The following CRB1 variants were observed in gnomAD, a reference collection of about 807,000 sequenced individuals.
CRB1 encodes protein crumbs homolog 1.
A neutral mutation model predicts 120.0 loss-of-function variants in CRB1; 83 were observed. The ratio of observed to expected loss-of-function variants is 0.69; its 90% confidence interval spans 0.58 to 0.83. CRB1 has a LOEUF of 0.83. Ranked by LOEUF, CRB1 falls within the 40% of genes least tolerant of loss-of-function variation. The pLI, the probability that CRB1 is intolerant of heterozygous loss-of-function variation, is 0.00. For missense variants in CRB1, 1,699 were observed against 1,687.6 expected (o/e 1.01, Z -0.12); for synonymous variants, 625 against 612.5 (o/e 1.02, Z -0.30).
At position 197,395,887 on chromosome 1, in the gene CRB1, CAT is replaced by C. The variant is rs1662745563; in HGVS notation, c.1172-25111_1172-25110del. Among the ~76,000 whole-genome samples the C allele has an allele frequency of 1.3e-5, 2 of 152,116 alleles. 1 individual carries two copies. Among genetic ancestry groups the C allele is most frequent in the South Asian group, 4.1e-4 (2 of 4,832 alleles). On this transcript the variant is annotated intron_variant, in intron 5 of 11. Transcript: ENST00000367400. The stretch of plus-strand genomic sequence containing the variant: ...CATCTACAAAAAAACCTAGAGCTAA[CAT>C]AGTAATGGTGAAAGACTGAATGCTT...
rs573015298 is a variant in CRB1 at position 197,377,611 on chromosome 1, C to T, written c.1171+20598C>T. On this transcript the variant is annotated intron_variant, in intron 5 of 11. Transcript: ENST00000367400. Reference sequence around the variant, plus strand: ...AAGTTTTCCATGCCACTTGACATATCATAATTTGAAAAATGTGTTCTCCTT... The same window carrying T: ...AAGTTTTCCATGCCACTTGACATATTATAATTTGAAAAATGTGTTCTCCTT... 3.3e-5 allele frequency among the ~76,000 whole-genome samples: 5 copies of T among 152,238 alleles called. No individual in the cohort carries two copies. The South Asian group carries it at 1.0e-3, about 32-fold the overall frequency.
chr1:197,369,971 A>C (rs1352845383), intron 5 of CRB1, among the ~76,000 whole-genome samples: 2 of 152,134 alleles, frequency 1.3e-5, no homozygotes, highest in African/African-American at 4.8e-5. Flanking sequence ...AAGGTAAGCT[A>C]AATGTCCTCA....
intron 1 of CRB1, among the ~76,000 whole-genome samples, chr1:197,279,990 T>C (rs1057353427): frequency 1.3e-5 from 2 of 151,866 alleles, no homozygotes; most frequent in Non-Finnish European, 2.9e-5. Flanking sequence ...TGATGAAGAT[T>C]TTATTATTCC....
chr1:197,409,959 T>A (rs1463720348), intron 5 of CRB1, among the ~76,000 whole-genome samples: 1 of 152,130 alleles, frequency 6.6e-6, no homozygotes, highest in Non-Finnish European at 1.5e-5. Context: ...ACTTTTTTTG[T>A]ATTTTTTAGT....
At chr1:197,223,244 C>T in the CRB1 span, 16 of 1,058,914 alleles carry the variant, frequency 1.5e-5, no homozygotes, top group East Asian at 3.1e-4. Flanking sequence ...CCAGAAGATT[C>T]GAATAGATTG....
intron 2 of CRB1, among the ~76,000 whole-genome samples, chr1:197,337,074 A>C (rs1659195081): frequency 6.6e-6 from 1 of 152,220 alleles, no homozygotes. Context: ...AATGCTGTCC[A>C]AGGCGATGAA....
chr1:197,235,832 C>T, the CRB1 span, among the ~76,000 whole-genome samples: 1 of 152,032 alleles, frequency 6.6e-6, no homozygotes, highest in African/African-American at 2.4e-5. Context: ...CCTATATGAT[C>T]CAAGGATCAT....
chr1:197,364,053 TC>T, intron 5 of CRB1: 1 of 1,349,856 alleles, frequency 7.4e-7, no homozygotes, highest in Non-Finnish European at 1.1e-6. Context: ...TGCGAAAGAA[TC>T]AGGCAGATCC....
In CRB1 at chr1:197,357,061, G is replaced by T. The variant is rs1159327008; in HGVS notation, c.1171+48G>T. The T allele has an allele frequency of 6.4e-7, 1 of 1,569,694 alleles. No homozygotes were observed. Among genetic ancestry groups the T allele is most frequent in the East Asian group, 2.2e-5 (1 of 44,666 alleles). ...TGACTTGACTTTCTGGTATTTTATG[G>T]CAGACCATGGCTTTAACCAAATGGT... On this transcript the variant is annotated intron_variant, in intron 5 of 11. Coordinates refer to ENST00000367400, the MANE Select transcript of CRB1 (RefSeq NM_201253.3).
intron 11 of CRB1, among the ~76,000 whole-genome samples, chr1:197,454,273 GTTAC>G (rs5779874): frequency 0.93 from 141,242 of 151,666 alleles, 66,648 homozygotes; most frequent in East Asian, 1. Flanking sequence ...TTTTTAAAAA[GTTAC>G]TTACTTAAGA....
intron 3 of CRB1, among the ~76,000 whole-genome samples, chr1:197,345,219 C>T (rs540892270): frequency 1.3e-5 from 2 of 152,236 alleles, no homozygotes; most frequent in Admixed American, 6.5e-5. Flanking sequence ...CAATTTTTAA[C>T]AAGATTAGCA....
At chr1:197,385,870 G>T (rs1183539272) in intron 5 of CRB1, among the ~76,000 whole-genome samples, 2 of 151,986 alleles carry the variant, frequency 1.3e-5, no homozygotes, top group African/African-American at 4.8e-5. Flanking sequence ...TTTAAAAAAA[G>T]AAGTTAACTA....
chr1:197,242,321 T>C, the CRB1 span, among the ~76,000 whole-genome samples: 7 of 152,148 alleles, frequency 4.6e-5, no homozygotes, highest in East Asian at 1.3e-3. Flanking sequence ...TTTTGTCATA[T>C]ATAGCTCTTA....
intron 5 of CRB1, among the ~76,000 whole-genome samples, chr1:197,367,420 T>G (rs1281366213): frequency 3.3e-5 from 5 of 152,180 alleles, no homozygotes; most frequent in Admixed American, 1.3e-4. Context: ...TTATGCCAGA[T>G]AGAAGTTAGT....
the CRB1 span, among the ~76,000 whole-genome samples, chr1:197,239,050 T>C: frequency 6.6e-6 from 1 of 152,160 alleles, no homozygotes; most frequent in Non-Finnish European, 1.5e-5. Flanking sequence ...CAGTTGTCCA[T>C]TTGCATATTC....
At chr1:197,203,188 G>A in the CRB1 span, among the ~76,000 whole-genome samples, 7 of 152,008 alleles carry the variant, frequency 4.6e-5, no homozygotes, top group Non-Finnish European at 1.0e-4. Context: ...CTCAAGCAAG[G>A]ATTAGAAAAT....
chr1:197,338,174 A>G (rs1274457083), intron 2 of CRB1, among the ~76,000 whole-genome samples: 2 of 151,996 alleles, frequency 1.3e-5, no homozygotes, highest in African/African-American at 4.8e-5. Context: ...TTTGATATAT[A>G]TTTTGCTATT....
the CRB1 span, among the ~76,000 whole-genome samples, chr1:197,239,677 A>G: frequency 6.6e-6 from 1 of 151,250 alleles, no homozygotes; most frequent in Non-Finnish European, 1.5e-5. Context: ...CCACTTACAA[A>G]TAATATAATT....
At chr1:197,422,544 GA>G (rs1193126926) in intron 6 of CRB1, among the ~76,000 whole-genome samples, 101 of 81,536 alleles carry the variant, frequency 1.2e-3, no homozygotes, top group East Asian at 4.0e-3. Context: ...GGTGTCTTAA[GA>G]AAAAAAAAAA....
Sources: allele counts gnomAD v4.1 joint callset (sites outside exome capture counted in the v4.1 genomes callset), GRCh38; gene constraint gnomAD v4.1.1; transcripts MANE v1.5; gene names NCBI Gene and HGNC (gene_info 2026-07-23, HGNC 2026-07-21).